The following RIMKLB variants were observed in gnomAD, a reference collection of about 807,000 sequenced individuals.
RIMKLB encodes ribosomal modification protein rimK like family member B.
RIMKLB carries 7 observed loss-of-function variants against 32.0 expected under a neutral mutation model. The observed-to-expected ratio is 0.22, with a 90% confidence interval of 0.12 to 0.41. The LOEUF is 0.41. RIMKLB is among the 10% of genes least tolerant of loss of function. The probability of loss-of-function intolerance (pLI) is 1.00; values close to 1 mark genes in which losing one functional copy is unlikely to be tolerated. For synonymous variants in RIMKLB, 172 were observed against 185.1 expected, an observed-to-expected ratio of 0.93 and a Z score of 0.57; for missense variants, 289 against 498.7, an observed-to-expected ratio of 0.58 and a Z score of 4.00.
chr12:8,682,745 C>CG (rs1056439581), intron 1 of RIMKLB, among the ~76,000 whole-genome samples: 17 of 141,904 alleles, frequency 1.2e-4, no homozygotes, highest in East Asian at 6.3e-4. Context: ...GCAGCCCCGC[C>CG]GGGGGGGAGG....
At chr12:8,731,934 G>T (rs1455221905) in intron 2 of RIMKLB, among the ~76,000 whole-genome samples, 3 of 152,012 alleles carry the variant, frequency 2.0e-5, no homozygotes, top group Non-Finnish European at 2.9e-5. Context: ...TTTATTGCCT[G>T]TTTTTCTTAC....
chr12:8,669,669 TGAAAA>T, the RIMKLB span, among the ~76,000 whole-genome samples: 11 of 149,454 alleles, frequency 7.4e-5, no homozygotes, highest in Non-Finnish European at 1.5e-4. Flanking sequence ...AAGAAGGAAA[TGAAAA>T]GAAAAAATAA....
At chr12:8,691,289 C>A (rs183929538) in intron 1 of RIMKLB, among the ~76,000 whole-genome samples, 2 of 152,066 alleles carry the variant, frequency 1.3e-5, no homozygotes, top group Non-Finnish European at 2.9e-5. Flanking sequence ...CCACACTTGG[C>A]CAAATTTTTT....
At chr12:8,728,731 C>T (rs1285405047) in intron 2 of RIMKLB, among the ~76,000 whole-genome samples, 1 of 152,058 alleles carries the variant, frequency 6.6e-6, no homozygotes, top group Non-Finnish European at 1.5e-5. Context: ...CCACCTCAGG[C>T]TCCCTAGTAG....
chr12:8,707,230 G>A lies in RIMKLB; in HGVS notation c.-56-6581G>A, dbSNP rs147376461. ...AGTGCTCAGTTGCCAAAACGACCCC[G>A]TACCATGCCCCCCACCAGTACAGGC... On this transcript the variant is annotated intron_variant, in intron 1 of 5. Coordinates refer to ENST00000535829, the MANE Select transcript of RIMKLB (RefSeq NM_001297776.2). 5.2e-3 allele frequency among the ~76,000 whole-genome samples: 795 copies of A among 152,168 alleles called. 4 individuals are homozygous for A. The highest frequency in any genetic ancestry group is 0.018 in the African/African-American group (757 of 41,524).
intron 2 of RIMKLB, among the ~76,000 whole-genome samples, chr12:8,721,598 CTT>C (rs946913598): frequency 7.9e-5 from 12 of 152,312 alleles, no homozygotes; most frequent in African/African-American, 2.9e-4. Context: ...TTATAGCTCT[CTT>C]GCCATCTCCA....
intron 2 of RIMKLB, among the ~76,000 whole-genome samples, chr12:8,739,332 C>T (rs1045106325): frequency 6.6e-6 from 1 of 152,162 alleles, no homozygotes; most frequent in Non-Finnish European, 1.5e-5. Context: ...AAGCTCTCAT[C>T]TCTTCCTTTC....
rs1407582605 is a variant in RIMKLB, at chr12:8,775,934, G to A, written c.*2150G>A. On this transcript the variant is annotated 3_prime_UTR_variant, in exon 6 of 6. Transcript: ENST00000535829. ...ACTCATTAACAGAAAGAAATACTTG[G>A]TACTTCTTTCGCTGAATGACCATAC... 12 of 984,754 alleles carry A rather than the reference G, an allele frequency of 1.2e-5. No individual in the cohort carries two copies. The East Asian group carries it at 1.1e-3, about 93-fold the overall frequency. 61.0% of individuals were successfully genotyped at this position (984,754 alleles called of 1,614,324 possible). A position where few individuals can be genotyped will look rare whatever the true frequency, so the allele number is the denominator to read the frequency against.
At chr12:8,753,528 A>G (rs1948786984) in intron 4 of RIMKLB, among the ~76,000 whole-genome samples, 2 of 152,254 alleles carry the variant, frequency 1.3e-5, no homozygotes, top group African/African-American at 4.8e-5. Context: ...ATATTAATGT[A>G]TTCTATAATA....
At chr12:8,673,423 T>G in the RIMKLB span, among the ~76,000 whole-genome samples, 1 of 152,132 alleles carries the variant, frequency 6.6e-6, no homozygotes, top group African/African-American at 2.4e-5. Context: ...ATTATTTTTC[T>G]TGATTTTGTG....
At chr12:8,741,783 A>G (rs1016984587) in intron 2 of RIMKLB, among the ~76,000 whole-genome samples, 2 of 151,786 alleles carry the variant, frequency 1.3e-5, no homozygotes, top group East Asian at 1.9e-4. Flanking sequence ...AAAACTAACT[A>G]TTGGGTACTG....
intron 2 of RIMKLB, among the ~76,000 whole-genome samples, chr12:8,735,848 A>T (rs1946955965): frequency 6.6e-6 from 1 of 151,948 alleles, no homozygotes; most frequent in Non-Finnish European, 1.5e-5. Flanking sequence ...CTCCTGCCTC[A>T]GCCTCCTGAG....
chr12:8,759,372 G>A (rs1372541450), intron 5 of RIMKLB, among the ~76,000 whole-genome samples: 2 of 152,142 alleles, frequency 1.3e-5, no homozygotes, highest in Non-Finnish European at 2.9e-5. Context: ...TTCAGCCTGG[G>A]CAACAGAGCA....
intron 1 of RIMKLB, among the ~76,000 whole-genome samples, chr12:8,689,974 T>C (rs1414753799): frequency 6.6e-6 from 1 of 152,116 alleles, no homozygotes; most frequent in Non-Finnish European, 1.5e-5. Flanking sequence ...TTACCAGCTG[T>C]GACTGTCAGG....
At chr12:8,762,113 A>G (rs2969090) in intron 5 of RIMKLB, among the ~76,000 whole-genome samples, 79,626 of 151,954 alleles carry the variant, frequency 0.52, 21,780 homozygotes, top group South Asian at 0.62. Context: ...AAAAACTACA[A>G]TGGGGCGTCA....
chr12:8,701,093 G>A (rs965508820), intron 1 of RIMKLB, among the ~76,000 whole-genome samples: 3 of 151,982 alleles, frequency 2.0e-5, no homozygotes, highest in African/African-American at 7.3e-5. Flanking sequence ...ACTGTAATAC[G>A]TTATTAGAAT....
intron 2 of RIMKLB, among the ~76,000 whole-genome samples, chr12:8,719,692 A>G (rs1468274172): frequency 2.6e-5 from 4 of 152,244 alleles, no homozygotes; most frequent in East Asian, 1.9e-4. Flanking sequence ...TTGTCTTCCA[A>G]TTTAATAATT....
intron 1 of RIMKLB, among the ~76,000 whole-genome samples, chr12:8,685,966 C>G (rs942185941): frequency 6.6e-6 from 1 of 152,156 alleles, no homozygotes; most frequent in East Asian, 1.9e-4. Context: ...CACCACCACG[C>G]CCGGCTAATT....
At chr12:8,758,119 A>C (rs1054860952) in intron 5 of RIMKLB, among the ~76,000 whole-genome samples, 2 of 151,778 alleles carry the variant, frequency 1.3e-5, no homozygotes, top group African/African-American at 2.4e-5. Flanking sequence ...ATTTTAATTT[A>C]TCTCTCACTG....
Sources: allele counts gnomAD v4.1 joint callset (sites outside exome capture counted in the v4.1 genomes callset), GRCh38; gene constraint gnomAD v4.1.1; transcripts MANE v1.5; gene names NCBI Gene and HGNC (gene_info 2026-07-23, HGNC 2026-07-21).